The following FANCA variants were observed in gnomAD, a reference collection of about 807,000 sequenced individuals.
FANCA encodes FA complementation group A.
FANCA carries 236 observed loss-of-function variants against 194.3 expected under a neutral mutation model. That is an observed-to-expected ratio of 1.21 (90% CI 1.09 to 1.35). The LOEUF is 1.35. Ranked by LOEUF, FANCA falls within the 40% of genes most tolerant of loss-of-function variation. The pLI is 0.00. For missense variants in FANCA, 2,628 were observed against 1,813.9 expected (o/e 1.45, Z -8.15); for synonymous variants, 1,014 against 715.8 (o/e 1.42, Z -6.65).
chr16:89,741,355 G>A (rs543059928), intron 37 of FANCA, among the ~76,000 whole-genome samples: 31 of 152,316 alleles, frequency 2.0e-4, no homozygotes, highest in African/African-American at 6.7e-4. Context: ...GAAACCTGAA[G>A]ACGTACTCAG....
chr16:89,774,367 G>A (rs866193237), intron 21 of FANCA, among the ~76,000 whole-genome samples: 10 of 152,190 alleles, frequency 6.6e-5, no homozygotes, highest in Middle Eastern at 6.8e-3. Flanking sequence ...AGAAGCAAAC[G>A]CCTCACACCG....
At chr16:89,743,682 G>A (rs1022666638) in intron 36 of FANCA, among the ~76,000 whole-genome samples, 21 of 152,022 alleles carry the variant, frequency 1.4e-4, no homozygotes, top group African/African-American at 5.1e-4. Context: ...AATTAGCCAG[G>A]CATGGTGGCT....
At chr16:89,798,695 T>A (rs11076626) in intron 10 of FANCA, 587,561 of 1,291,260 alleles carry the variant, frequency 0.46, 143,134 homozygotes, top group East Asian at 0.98. Flanking sequence ...GAGAAAAAGC[T>A]AATAGGGCCA....
At chr16:89,776,787 C>A (rs1228589955) in intron 20 of FANCA, among the ~76,000 whole-genome samples, 1 of 150,880 alleles carries the variant, frequency 6.6e-6, no homozygotes, top group Non-Finnish European at 1.5e-5. Flanking sequence ...GCCGAGATTG[C>A]GCCACTGCAC....
chr16:89,778,515 C>T, intron 20 of FANCA: 1 of 393,554 alleles, frequency 2.5e-6, no homozygotes. Context: ...GTAATCCCAG[C>T]TACTCAGGAG....
rs527300192 is a variant in FANCA at position 89,770,015 on chromosome 16, G to A, written c.2326C>T (p.Leu776=). The change falls in exon 26 of 43, where the codon CTG becomes TTG. Residue 776 remains leucine, a synonymous_variant. Coordinates refer to ENST00000389301, the MANE Select transcript of FANCA (RefSeq NM_000135.4). Reference sequence around the variant, plus strand: ...AACCCCAGCACATGTGGGGCACTCAGGCTCGGGCCCTGCAACGAGAATGAG... The same window carrying A: ...AACCCCAGCACATGTGGGGCACTCAAGCTCGGGCCCTGCAACGAGAATGAG... ...CQLLRHQGPS[L]SAPHVLGLAA... is the part of the protein sequence containing the mutation. 2 of 1,613,618 alleles carry A rather than the reference G, an allele frequency of 1.2e-6. No individual in the cohort carries two copies. The highest frequency in any genetic ancestry group is 2.7e-5 in the African/African-American group (2 of 75,064).
chr16:89,748,531 C>A, intron 33 of FANCA, 128 bp downstream of exon 33: 1 of 788,066 alleles, frequency 1.3e-6, no homozygotes, highest in Non-Finnish European at 2.2e-6. Context: ...AGACACTGTT[C>A]CCTATTTGAC....
At chr16:89,746,536 C>T (rs890234860) in intron 35 of FANCA, 48 bp downstream of exon 35, 2 of 1,466,916 alleles carry the variant, frequency 1.4e-6, no homozygotes, top group Non-Finnish European at 9.6e-7. Context: ...GCTGTGGAGT[C>T]TCCCACTCAT....
Position 89,808,247 on chromosome 16 carries a change from G to C in FANCA, c.596+47C>G, listed in dbSNP as rs770393739. 12 of 1,559,546 alleles carry C rather than the reference G, an allele frequency of 7.7e-6. No homozygotes were observed. In the East Asian group the frequency reaches 2.0e-4, roughly 26 times the overall value. ...GGGCTTTGAAATATAATTTATACTAGACTAGACTGCAAAAACAGTAACACT... is the reference window on the plus strand; with the variant it reads ...GGGCTTTGAAATATAATTTATACTACACTAGACTGCAAAAACAGTAACACT... On this transcript the variant is annotated intron_variant, in intron 6 of 42. Coordinates refer to ENST00000389301, the MANE Select transcript of FANCA (RefSeq NM_000135.4).
chr16:89,797,747 G>A (rs777789477), intron 10 of FANCA, among the ~76,000 whole-genome samples: 9 of 152,010 alleles, frequency 5.9e-5, no homozygotes, highest in Admixed American at 5.9e-4. Context: ...CTATAGGCTT[G>A]TGCCAGGTGT....
At chr16:89,742,983 CAACCACGCCATAGA>C in intron 36 of FANCA, 45 bp from the exon 37 acceptor site, 2 of 1,596,028 alleles carry the variant, frequency 1.3e-6, no homozygotes, top group Non-Finnish European at 1.7e-6. Flanking sequence ...TACAACCATA[CAACCACGCCATAGA>C]AACCAAGTCC....
At chr16:89,740,306 C>T (rs2062097222) in intron 38 of FANCA, 2 of 592,912 alleles carry the variant, frequency 3.4e-6, no homozygotes, top group Admixed American at 2.9e-5. Flanking sequence ...AGCACCCACA[C>T]CAAGGCTGCT....
chr16:89,778,857 GA>G lies in FANCA; in HGVS notation c.1777-8del. On this transcript the variant is annotated splice_polypyrimidine_tract_variant and splice_region_variant and intron_variant, in intron 19 of 42. Transcript: ENST00000389301. ...AGTCAGGGACTTTGGGGAGCTGTGG[GA>G]AGAGAAGAGACCTGTGAGAGACTGA... The G allele has an allele frequency of 6.2e-7, 1 of 1,613,948 alleles. No individual in the cohort carries two copies. The highest frequency in any genetic ancestry group is 8.5e-7 in the Non-Finnish European group (1 of 1,179,992).
intron 17 of FANCA, among the ~76,000 whole-genome samples, chr16:89,780,866 G>A (rs1186256763): frequency 1.3e-5 from 2 of 151,080 alleles, no homozygotes; most frequent in Non-Finnish European, 2.9e-5. Context: ...GGAGTTTGAG[G>A]CTGCACTGAA....
intron 3 of FANCA, 110 bp downstream of exon 3, chr16:89,814,410 G>A (rs1254126260): frequency 1.2e-6 from 1 of 805,830 alleles, no homozygotes; most frequent in African/African-American, 1.7e-5. Flanking sequence ...CACACCAGTG[G>A]AAACCCATCG....
chr16:89,784,116 A>C (rs1248542661), intron 15 of FANCA, among the ~76,000 whole-genome samples: 1 of 152,138 alleles, frequency 6.6e-6, no homozygotes, highest in Non-Finnish European at 1.5e-5. Context: ...CTGTAATCCC[A>C]GAACTTTGGG....
At chr16:89,753,814 G>A (rs1156350042) in intron 30 of FANCA, among the ~76,000 whole-genome samples, 3 of 152,190 alleles carry the variant, frequency 2.0e-5, no homozygotes, top group Non-Finnish European at 4.4e-5. Flanking sequence ...CAGCACTTTG[G>A]GAGGCCGAGG....
intron 14 of FANCA, among the ~76,000 whole-genome samples, 163 bp from the exon 15 acceptor site, chr16:89,785,127 G>C (rs1256965279): frequency 6.6e-6 from 1 of 152,154 alleles, no homozygotes; most frequent in African/African-American, 2.4e-5. Context: ...AGCCCACCTA[G>C]GCAGTGTCCG....
At chr16:89,757,072 C>T (rs1390917814) in intron 30 of FANCA, among the ~76,000 whole-genome samples, 1 of 152,240 alleles carries the variant, frequency 6.6e-6, no homozygotes. Context: ...TCTGCCTCCC[C>T]GGCTCATGCA....
Sources: gnomAD v4.1 joint callset for allele counts (sites outside exome capture counted in the v4.1 genomes callset) on GRCh38, gnomAD v4.1.1 for gene constraint, MANE v1.5 for transcripts, NCBI Gene and HGNC (gene_info 2026-07-23, HGNC 2026-07-21) for gene names.